SEPTIN8: variants seen among roughly 807,000 people sequenced by gnomAD.
SEPTIN8 encodes the protein septin-8.
A neutral mutation model predicts 53.1 loss-of-function variants in SEPTIN8; 22 were observed. That is an observed-to-expected ratio of 0.41 (90% confidence interval 0.30 to 0.59). The LOEUF (loss-of-function observed/expected upper bound fraction) is 0.59. SEPTIN8 is among the 20% of genes least tolerant of loss of function. The pLI, the probability that SEPTIN8 is intolerant of heterozygous loss-of-function variation, is 0.24. For synonymous variants in SEPTIN8, 228 were observed against 248.4 expected, an observed-to-expected ratio of 0.92 and a Z score of 0.77; for missense variants, 536 against 638.7, an observed-to-expected ratio of 0.84 and a Z score of 1.73.
At chr5:132,756,660 GGCTT>G in intron 9 of SEPTIN8, 2 of 985,492 alleles carry the variant, frequency 2.0e-6, no homozygotes, top group Non-Finnish European at 2.4e-6. Flanking sequence ...GGTGCAGTGA[GGCTT>G]GCTGGAGGGA....
chr5:132,754,170 G>A (rs1456061687), intron 9 of SEPTIN8: 1 of 483,846 alleles, frequency 2.1e-6, no homozygotes, highest in Non-Finnish European at 3.7e-6. Context: ...TTCCGATCCT[G>A]TATGAGTCTT....
At position 132,761,316 on chromosome 5, in the gene SEPTIN8, G is replaced by A; in HGVS notation, c.963-51C>T. On this transcript the variant is annotated intron_variant, in intron 7 of 9. Transcript: ENST00000378719. This position sits in a 1 kb window ranked among gnomAD's most constrained non-coding sequence, Gnocchi z 5.8. ...CAAGGATGGGATTATGACGGAATGG[G>A]ATAGGGCAGGGCAGAGCCAGAGAAG... is the stretch of plus-strand genomic sequence containing the variant. The A allele has an allele frequency of 6.2e-7, 1 of 1,608,110 alleles. No individual in the cohort carries two copies. The highest frequency in any genetic ancestry group is 1.1e-5 in the South Asian group (1 of 91,024).
intron 3 of SEPTIN8, 101 bp from the exon 4 acceptor site, chr5:132,763,993 T>A (rs950547215): frequency 2.5e-5 from 32 of 1,266,706 alleles, no homozygotes; most frequent in African/African-American, 1.5e-5. Flanking sequence ...CCCCCTGGCC[T>A]TTTCTTTCTG....
intron 9 of SEPTIN8, chr5:132,757,046 G>A (rs1755404999): frequency 1.0e-6 from 1 of 985,392 alleles, no homozygotes; most frequent in Non-Finnish European, 1.2e-6. Flanking sequence ...GGATATGCCA[G>A]TTTACCTTTT....
Position 132,777,097 on chromosome 5 carries a change from G to T in SEPTIN8, c.30+11C>A. The T allele has an allele frequency of 8.6e-7, 1 of 1,165,970 alleles. No individual in the cohort carries two copies. Among genetic ancestry groups the T allele is most frequent in the Non-Finnish European group, 1.1e-6 (1 of 945,252 alleles). The allele number at this position is 1,165,970 out of a possible 1,614,324, so 72.2% of individuals were successfully genotyped here. On this transcript the variant is annotated intron_variant, in intron 1 of 9. Coordinates refer to ENST00000378719, the MANE Select transcript of SEPTIN8 (RefSeq NM_001098811.2). The surrounding 1 kb of genome is among the most constrained non-coding windows in gnomAD (Gnocchi z 4.1). Reference sequence around the variant, plus strand: ...CCTCCCGCGCGCGCCGTGGCCCAGCGGGGCCCTCACCGAGAAGCGCTCCAG... The same window carrying T: ...CCTCCCGCGCGCGCCGTGGCCCAGCTGGGCCCTCACCGAGAAGCGCTCCAG...
chr5:132,758,371 G>A, intron 9 of SEPTIN8: 1 of 1,418,170 alleles, frequency 7.1e-7, no homozygotes, highest in East Asian at 2.5e-5. Flanking sequence ...ATTAAAATGA[G>A]GGGAACTGGG....
upstream of SEPTIN8, chr5:132,777,306 C>T: frequency 9.2e-7 from 1 of 1,086,566 alleles, no homozygotes; most frequent in African/African-American, 1.7e-5. This position sits in a 1 kb window ranked among gnomAD's most constrained non-coding sequence, Gnocchi z 4.1. Flanking sequence ...CGCGGAGCCG[C>T]CCCTGCCCCC....
At chr5:132,752,867 T>C in intron 9 of SEPTIN8, 1 of 1,613,282 alleles carries the variant, frequency 6.2e-7, no homozygotes, top group South Asian at 1.1e-5. Flanking sequence ...CTAATACAGG[T>C]TGGTGATATG....
At position 132,760,681 on chromosome 5, in the gene SEPTIN8, C is replaced by T. The variant is rs1755819771; in HGVS notation, c.1286+121G>A. 11 of 965,990 alleles carry T rather than the reference C, an allele frequency of 1.1e-5. No individual in the cohort carries two copies. The highest frequency in any genetic ancestry group is 1.6e-5 in the South Asian group (1 of 62,322). The allele number at this position is 965,990 out of a possible 1,614,324, so 59.8% of individuals were successfully genotyped here. A position where few individuals can be genotyped will look rare whatever the true frequency, so the allele number is the denominator to read the frequency against. On this transcript the variant is annotated intron_variant, in intron 9 of 9. Coordinates refer to ENST00000378719, the MANE Select transcript of SEPTIN8 (RefSeq NM_001098811.2). This position sits in a 1 kb window ranked among gnomAD's most constrained non-coding sequence, Gnocchi z 5.2. ...GAGAGCCACTGAAGATGAGGGAAAACCAAACAGGAAAGGGGTAAGAGAGGG... is the reference window on the plus strand; with the variant it reads ...GAGAGCCACTGAAGATGAGGGAAAATCAAACAGGAAAGGGGTAAGAGAGGG...
chr5:132,768,181 G>C lies in SEPTIN8; in HGVS notation c.31-2652C>G, dbSNP rs539351184. On this transcript the variant is annotated intron_variant, in intron 1 of 9. Transcript: ENST00000378719. ...ACAGCTTGGCTCTCTCTGTGGAAGT[G>C]TGGGGTACAGGGAGGTCATCATCCC... Among the ~76,000 whole-genome samples the C allele has an allele frequency of 1.3e-3, 200 of 152,222 alleles. 1 individual carries two copies. Among genetic ancestry groups the C allele is most frequent in the African/African-American group, 4.6e-3 (193 of 41,516 alleles).
chr5:132,777,593 G>A (rs1757924739), upstream of SEPTIN8: 2 of 979,488 alleles, frequency 2.0e-6, no homozygotes, highest in Non-Finnish European at 1.2e-6. The surrounding 1 kb of genome is among the most constrained non-coding windows in gnomAD (Gnocchi z 4.1). Context: ...AGGGGGAAGT[G>A]GGGCACGGCG....
At chr5:132,770,930 C>T (rs1757260727) in intron 1 of SEPTIN8, among the ~76,000 whole-genome samples, 1 of 152,234 alleles carries the variant, frequency 6.6e-6, no homozygotes, top group African/African-American at 2.4e-5. Flanking sequence ...AAGCTTTTGG[C>T]TCCTGAGCCA....
At chr5:132,769,982 CATATATAT>C (rs1164726534) in intron 1 of SEPTIN8, among the ~76,000 whole-genome samples, 2,596 of 55,244 alleles carry the variant, frequency 0.047, 62 homozygotes, top group African/African-American at 0.086. Context: ...TCTATATATA[CATATATAT>C]ATATATATAT....
At chr5:132,766,777 C>T (rs947023786) in intron 1 of SEPTIN8, among the ~76,000 whole-genome samples, 110 of 152,078 alleles carry the variant, frequency 7.2e-4, no homozygotes, top group Non-Finnish European at 1.0e-3. Flanking sequence ...GGTCAGGAAC[C>T]GACAGGGGGC....
chr5:132,758,996 A>G (rs779376272), intron 9 of SEPTIN8: 4 of 751,862 alleles, frequency 5.3e-6, no homozygotes, highest in Admixed American at 4.0e-5. Context: ...GTCCCAGGCT[A>G]AGGGTCAAGA....
chr5:132,758,203 T>A, intron 9 of SEPTIN8: 1 of 1,179,618 alleles, frequency 8.5e-7, no homozygotes, highest in East Asian at 4.2e-5. Flanking sequence ...ACTTTATACA[T>A]AAGAAAGGTT....
rs1755763520 is a variant in SEPTIN8 at position 132,760,241 on chromosome 5, A to G, written c.1286+561T>C. 6.6e-6 allele frequency among the ~76,000 whole-genome samples: 1 copy of G among 152,032 alleles called. No individual in the cohort carries two copies. The highest frequency in any genetic ancestry group is 1.5e-5 in the Non-Finnish European group (1 of 68,018). ...CTCCACACCACTGCCCCACAGACTGAGGAGGGATGCGCCACAGGTGTCCAA... is the reference window on the plus strand; with the variant it reads ...CTCCACACCACTGCCCCACAGACTGGGGAGGGATGCGCCACAGGTGTCCAA... On this transcript the variant is annotated intron_variant, in intron 9 of 9. Transcript: ENST00000378719. This position sits in a 1 kb window ranked among gnomAD's most constrained non-coding sequence, Gnocchi z 5.2.
intron 9 of SEPTIN8, chr5:132,754,014 T>C (rs1581129767): frequency 8.6e-6 from 1 of 116,930 alleles, no homozygotes; most frequent in Non-Finnish European, 1.6e-5. Context: ...AGCCATGGGG[T>C]GGGAGGGGAA....
At chr5:132,758,718 G>A (rs114375386) in intron 9 of SEPTIN8, 34,786 of 1,609,998 alleles carry the variant, frequency 0.022, 427 homozygotes, top group Non-Finnish European at 0.026. Flanking sequence ...CTCCCAGTCC[G>A]TCCTCACACC....
Sources: gnomAD v4.1 joint callset for allele counts (sites outside exome capture counted in the v4.1 genomes callset) on GRCh38, gnomAD v4.1.1 for gene constraint, Gnocchi (gnomAD v3.1) non-coding constraint, MANE v1.5 for transcripts, NCBI Gene and HGNC (gene_info 2026-07-23, HGNC 2026-07-21) for gene names.